Variants in CDH23 observed in about 807,000 individuals in gnomAD.
CDH23 encodes the protein cadherin related 23.
Under a neutral mutation model 317.1 loss-of-function variants are expected in CDH23, and 189 were observed. That is an observed-to-expected ratio of 0.60 (90% CI 0.53 to 0.67). CDH23 has a LOEUF of 0.67. Ranked by LOEUF, CDH23 falls within the 30% of genes least tolerant of loss-of-function variation. The pLI is 0.00. For missense variants in CDH23, 4,401 were observed against 4,592.4 expected (o/e 0.96, Z 1.20); for synonymous variants, 1,839 against 1,876.8 (o/e 0.98, Z 0.52).
At chr10:71,477,329 C>A (rs897272540) in intron 3 of CDH23, among the ~76,000 whole-genome samples, 1 of 152,266 alleles carries the variant, frequency 6.6e-6, no homozygotes, top group Non-Finnish European at 1.5e-5. Flanking sequence ...CCACCATGCC[C>A]GGCTAATTTT....
intron 14 of CDH23, among the ~76,000 whole-genome samples, chr10:71,661,742 G>GTC (rs1863664049): frequency 3.0e-5 from 2 of 66,666 alleles, no homozygotes; most frequent in African/African-American, 6.8e-5. Flanking sequence ...CACCCTGCGC[G>GTC]CCCTCCCACC....
chr10:71,421,018 C>T (rs1589284519), intron 1 of CDH23, among the ~76,000 whole-genome samples: 1 of 152,328 alleles, frequency 6.6e-6, no homozygotes, highest in East Asian at 1.9e-4. Context: ...TTCCCCCCAA[C>T]CCTTGGTTTC....
At chr10:71,421,249 G>T (rs1012286671) in intron 1 of CDH23, among the ~76,000 whole-genome samples, 1 of 152,176 alleles carries the variant, frequency 6.6e-6, no homozygotes, top group Non-Finnish European at 1.5e-5. Context: ...AGCCAGGAGC[G>T]GTTCCACTCC....
Position 71,800,774 on chromosome 10 carries a change from G to A in CDH23, c.7482+19G>A, listed in dbSNP as rs1841536578. 6.2e-7 allele frequency: 1 copy of A among 1,612,412 alleles called. No individual in the cohort carries two copies. The highest frequency in any genetic ancestry group is 1.1e-5 in the South Asian group (1 of 90,792). ...AGTGCAGGTGAGGGGTGCCAACCTGGGCCAGGGATGACAGGGACTGGGGTT... is the reference window on the plus strand; with the variant it reads ...AGTGCAGGTGAGGGGTGCCAACCTGAGCCAGGGATGACAGGGACTGGGGTT... On this transcript the variant is annotated intron_variant, in intron 53 of 69. Coordinates refer to ENST00000224721, the MANE Select transcript of CDH23 (RefSeq NM_022124.6).
chr10:71,574,339 C>T lies in CDH23; in HGVS notation c.753+3421C>T, dbSNP rs966120030. On this transcript the variant is annotated intron_variant, in intron 8 of 69. Coordinates refer to ENST00000224721, the MANE Select transcript of CDH23 (RefSeq NM_022124.6). ...TTTCCTCACTCGAGCAGCAGCATGT[C>T]GGCCTGCCCGTCAGTGAAGGGCCGA... Among the ~76,000 whole-genome samples the T allele has an allele frequency of 7.2e-5, 11 of 152,304 alleles. No individual in the cohort carries two copies. The South Asian group carries it at 1.0e-3, about 14-fold the overall frequency.
chr10:71,702,795 G>A, intron 24 of CDH23, 101 bp downstream of exon 24: 6 of 1,377,256 alleles, frequency 4.4e-6, no homozygotes, highest in Non-Finnish European at 6.1e-6. Context: ...GGGCAGGGGA[G>A]GAGCTGGGTC....
At chr10:71,467,982 T>C (rs9783254) in intron 3 of CDH23, among the ~76,000 whole-genome samples, 41,511 of 152,064 alleles carry the variant, frequency 0.27, 6,134 homozygotes, top group African/African-American at 0.39. Flanking sequence ...TCCTGAGCCT[T>C]CCTTCATGGG....
chr10:71,679,394 A>G lies in CDH23; in HGVS notation c.1760A>G (p.Asp587Gly), dbSNP rs373467174. Residue 587 changes from aspartate (D) to glycine (G), a missense_variant, in exon 17 of 70, where the codon GAT becomes GGT. By Grantham distance (94) the Asp-to-Gly change is moderately conservative (BLOSUM62 -1). Coordinates refer to ENST00000224721, the MANE Select transcript of CDH23 (RefSeq NM_022124.6). ...VTQLVRLRAT[D>G]EDSPPNNQIT... ...CTGCCCTCTTCCTTTCAGGCAACAG[A>G]TGAAGACTCCCCTCCCAACAACCAG... 2 of 1,613,114 alleles carry G rather than the reference A, an allele frequency of 1.2e-6. No individual in the cohort carries two copies. Among genetic ancestry groups the G allele is most frequent in the Non-Finnish European group, 1.7e-6 (2 of 1,179,408 alleles).
At chr10:71,716,533 C>T in intron 28 of CDH23, 3 of 500,754 alleles carry the variant, frequency 6.0e-6, no homozygotes, top group Non-Finnish European at 1.0e-5. Context: ...CACAGCTGAG[C>T]AGTGATGGAG....
At chr10:71,643,896 G>A in intron 12 of CDH23, 30 bp downstream of exon 12, 1 of 766,146 alleles carries the variant, frequency 1.3e-6, no homozygotes, top group South Asian at 1.3e-5. Flanking sequence ...GCAGGGGTTG[G>A]GCTTGGGGAG....
chr10:71,475,840 C>A (rs1159274897), intron 3 of CDH23, among the ~76,000 whole-genome samples: 1 of 152,226 alleles, frequency 6.6e-6, no homozygotes, highest in Non-Finnish European at 1.5e-5. Context: ...GGTCAGAAGC[C>A]TGCAGGCAGG....
chr10:71,490,419 C>T (rs979276637), intron 3 of CDH23, among the ~76,000 whole-genome samples: 1 of 152,178 alleles, frequency 6.6e-6, no homozygotes, highest in Admixed American at 6.5e-5. Context: ...TTGTGTCTGG[C>T]ACACATACTG....
At chr10:71,524,180 G>A (rs1854880403) in intron 6 of CDH23, among the ~76,000 whole-genome samples, 1 of 152,214 alleles carries the variant, frequency 6.6e-6, no homozygotes, top group African/African-American at 2.4e-5. Flanking sequence ...TCTTACGGGT[G>A]ACTGTGAGCT....
intron 49 of CDH23, among the ~76,000 whole-genome samples, chr10:71,797,744 A>G (rs1017786018): frequency 6.6e-6 from 1 of 152,188 alleles, no homozygotes; most frequent in Non-Finnish European, 1.5e-5. Context: ...AATCGGGCCC[A>G]GGCCATCCTG....
At chr10:71,800,279 C>T (rs1188684077) in intron 52 of CDH23, among the ~76,000 whole-genome samples, 1 of 152,238 alleles carries the variant, frequency 6.6e-6, no homozygotes, top group Non-Finnish European at 1.5e-5. Context: ...GCTCTGTCCA[C>T]ATCTTCTGGC....
At chr10:71,419,959 A>G (rs1223558953) in intron 1 of CDH23, among the ~76,000 whole-genome samples, 1 of 152,186 alleles carries the variant, frequency 6.6e-6, no homozygotes, top group African/African-American at 2.4e-5. Flanking sequence ...CTCACCTGCC[A>G]GGCTGTAGGG....
chr10:71,418,699 C>T (rs181029074), intron 1 of CDH23, among the ~76,000 whole-genome samples: 2 of 152,306 alleles, frequency 1.3e-5, no homozygotes, highest in East Asian at 3.9e-4. Context: ...TTCTCTGGTA[C>T]CTTCAAGTGG....
intron 27 of CDH23, among the ~76,000 whole-genome samples, chr10:71,710,292 GA>G (rs1865926933): frequency 6.6e-6 from 1 of 152,228 alleles, no homozygotes. Context: ...ATCAGCTCTA[GA>G]TAGATCCATT....
At chr10:71,768,653 A>G (rs1900496) in intron 38 of CDH23, among the ~76,000 whole-genome samples, 113,792 of 151,648 alleles carry the variant, frequency 0.75, 43,505 homozygotes, top group Non-Finnish European at 0.84. Flanking sequence ...TAAATTTTTC[A>G]TAGTGATGGG....
Sources: allele counts gnomAD v4.1 joint callset (sites outside exome capture counted in the v4.1 genomes callset), GRCh38; gene constraint gnomAD v4.1.1; transcripts MANE v1.5; gene names NCBI Gene and HGNC (gene_info 2026-07-23, HGNC 2026-07-21).